Variants in MSRA observed in about 807,000 individuals in gnomAD.
MSRA encodes the protein mitochondrial peptide methionine sulfoxide reductase.
MSRA carries 54 observed loss-of-function variants against 31.3 expected under a neutral mutation model. That is an observed-to-expected ratio of 1.73 (90% CI 1.39 to 2.17). The LOEUF (loss-of-function observed/expected upper bound fraction) is 2.17, where lower values mean the gene tolerates loss of function less well. MSRA is among the 30% of genes most tolerant of loss of function. MSRA has a pLI of 0.00. For missense variants in MSRA, 507 were observed against 300.9 expected, an observed-to-expected ratio of 1.69 and a Z score of -5.07; for synonymous variants, 169 against 116.5, an observed-to-expected ratio of 1.45 and a Z score of -2.90.
intron 1 of MSRA, among the ~76,000 whole-genome samples, chr8:10,190,277 C>T (rs367966081): frequency 1.3e-5 from 2 of 152,174 alleles, no homozygotes; most frequent in East Asian, 3.9e-4. Context: ...AACCCTCAGC[C>T]TGGTGGTAAT....
intron 1 of MSRA, among the ~76,000 whole-genome samples, chr8:10,129,001 C>G (rs1286110281): frequency 6.6e-6 from 1 of 152,164 alleles, no homozygotes; most frequent in African/African-American, 2.4e-5. Flanking sequence ...TGCTTTCTCT[C>G]TTAATTTTCT....
intron 2 of MSRA, among the ~76,000 whole-genome samples, chr8:10,218,841 G>T (rs1250425407): frequency 2.6e-5 from 4 of 152,166 alleles, no homozygotes; most frequent in Non-Finnish European, 4.4e-5. Flanking sequence ...GTAACCAGTT[G>T]GGTGAATACT....
In MSRA at chr8:10,242,917, G is replaced by T. The variant is rs1173974125; in HGVS notation, c.212-2187G>T. Among the ~76,000 whole-genome samples the T allele has an allele frequency of 2.0e-5, 3 of 152,144 alleles. No individual in the cohort carries two copies. The East Asian group carries it at 5.8e-4, about 29-fold the overall frequency. ...CCCTGAGACGCTGTTTCAGCCACACGTGGCACCCCAGACCCTTGCCCACCT... is the reference window on the plus strand; with the variant it reads ...CCCTGAGACGCTGTTTCAGCCACACTTGGCACCCCAGACCCTTGCCCACCT... On this transcript the variant is annotated intron_variant, in intron 2 of 5. Transcript: ENST00000317173.
intron 5 of MSRA, among the ~76,000 whole-genome samples, chr8:10,373,307 A>G (rs563911082): frequency 1.3e-5 from 2 of 152,244 alleles, no homozygotes; most frequent in African/African-American, 2.4e-5. Context: ...AGATTAGGTA[A>G]ATTGTCCACA....
chr8:10,153,259 G>C (rs1158130566), intron 1 of MSRA, among the ~76,000 whole-genome samples: 1 of 152,186 alleles, frequency 6.6e-6, no homozygotes, highest in East Asian at 1.9e-4. Context: ...TGTCTGGGGG[G>C]AGCATGTGGA....
At chr8:10,368,338 C>T (rs1163342646) in intron 5 of MSRA, among the ~76,000 whole-genome samples, 1 of 152,182 alleles carries the variant, frequency 6.6e-6, no homozygotes, top group African/African-American at 2.4e-5. Flanking sequence ...TAAAATGAAA[C>T]AAAACACGAA....
At chr8:10,306,308 G>A (rs1186172472) in intron 4 of MSRA, among the ~76,000 whole-genome samples, 1 of 152,136 alleles carries the variant, frequency 6.6e-6, no homozygotes, top group Non-Finnish European at 1.5e-5. Context: ...ATAAAATAGT[G>A]TGAAAATAAC....
At chr8:10,393,743 A>C (rs778515960) in intron 5 of MSRA, among the ~76,000 whole-genome samples, 1 of 152,230 alleles carries the variant, frequency 6.6e-6, no homozygotes, top group Non-Finnish European at 1.5e-5. Flanking sequence ...TGGAGTCAGC[A>C]CGTGGTTGTT....
At chr8:10,355,609 C>A (rs1030539616) in intron 5 of MSRA, among the ~76,000 whole-genome samples, 2 of 152,156 alleles carry the variant, frequency 1.3e-5, no homozygotes, top group African/African-American at 4.8e-5. Flanking sequence ...AGGGGAAGGC[C>A]TGTCCCTCTG....
At chr8:10,266,931 C>T (rs987408513) in intron 3 of MSRA, among the ~76,000 whole-genome samples, 1 of 152,058 alleles carries the variant, frequency 6.6e-6, no homozygotes, top group African/African-American at 2.4e-5. Flanking sequence ...AGTACATTGC[C>T]CAGTTTTCAT....
intron 1 of MSRA, among the ~76,000 whole-genome samples, chr8:10,092,155 C>G (rs1388313400): frequency 6.6e-6 from 1 of 152,032 alleles, no homozygotes; most frequent in African/African-American, 2.4e-5. Flanking sequence ...TATTTCCACT[C>G]TAGTCTTTAT....
chr8:10,307,505 G>A (rs1801205165), intron 4 of MSRA, among the ~76,000 whole-genome samples: 1 of 152,042 alleles, frequency 6.6e-6, no homozygotes, highest in Non-Finnish European at 1.5e-5. Context: ...GATAACAATT[G>A]GGCTTTTAGT....
At chr8:10,397,508 T>G (rs1807169615) in intron 5 of MSRA, among the ~76,000 whole-genome samples, 1 of 152,156 alleles carries the variant, frequency 6.6e-6, no homozygotes, top group South Asian at 2.1e-4. Flanking sequence ...GTGCTCTTCT[T>G]TGGGAGTGTT....
chr8:10,248,656 A>T (rs184703866), intron 3 of MSRA, among the ~76,000 whole-genome samples: 9 of 152,316 alleles, frequency 5.9e-5, no homozygotes, highest in African/African-American at 2.2e-4. Context: ...GTGGAAATTG[A>T]TAGGCCAGTG....
chr8:10,279,877 A>G (rs529466602), intron 3 of MSRA, among the ~76,000 whole-genome samples: 1 of 152,316 alleles, frequency 6.6e-6, no homozygotes, highest in African/African-American at 2.4e-5. Context: ...TATTTCAAAT[A>G]TCTATGACTC....
At chr8:10,261,272 T>G (rs1332277903) in intron 3 of MSRA, among the ~76,000 whole-genome samples, 1 of 152,142 alleles carries the variant, frequency 6.6e-6, no homozygotes, top group African/African-American at 2.4e-5. Context: ...TAATTCTTTT[T>G]TAAAGCTTTA....
intron 5 of MSRA, among the ~76,000 whole-genome samples, chr8:10,420,901 AAAG>A (rs1253942096): frequency 3.3e-5 from 5 of 151,086 alleles, no homozygotes; most frequent in Non-Finnish European, 7.4e-5. Context: ...TTAAAAAAAA[AAAG>A]GAGAATCACT....
At chr8:10,215,564 C>G (rs940334824) in intron 2 of MSRA, among the ~76,000 whole-genome samples, 4 of 152,134 alleles carry the variant, frequency 2.6e-5, no homozygotes, top group African/African-American at 7.2e-5. Flanking sequence ...TAACACCAGA[C>G]GAGTCCCGTA....
chr8:10,181,937 G>A (rs1219483005), intron 1 of MSRA, among the ~76,000 whole-genome samples: 2 of 152,172 alleles, frequency 1.3e-5, no homozygotes, highest in Admixed American at 1.3e-4. Context: ...GTGAGTGGGG[G>A]TGAGCAGGAG....
Sources: allele counts gnomAD v4.1 joint callset (sites outside exome capture counted in the v4.1 genomes callset), GRCh38; gene constraint gnomAD v4.1.1; transcripts MANE v1.5; gene names NCBI Gene and HGNC (gene_info 2026-07-23, HGNC 2026-07-21).